Variants in SLA observed in about 807,000 individuals in gnomAD.
SLA encodes the protein src-like-adapter.
A neutral mutation model predicts 30.3 loss-of-function variants in SLA; 16 were observed. That is an observed-to-expected ratio of 0.53 (90% confidence interval 0.36 to 0.80). SLA has a LOEUF of 0.80. SLA is among the 30% of genes least tolerant of loss of function. The pLI is 0.01. For synonymous variants in SLA, 143 were observed against 137.8 expected, an observed-to-expected ratio of 1.04 and a Z score of -0.26; for missense variants, 310 against 345.2, an observed-to-expected ratio of 0.90 and a Z score of 0.81.
At chr8:133,077,829 G>C (rs981105636) in intron 1 of SLA, among the ~76,000 whole-genome samples, 7 of 151,876 alleles carry the variant, frequency 4.6e-5, no homozygotes, top group African/African-American at 1.7e-4. Flanking sequence ...ATGTGCCACA[G>C]CATCTCTGGA....
chr8:133,092,563 G>T (rs977843857), intron 1 of SLA, among the ~76,000 whole-genome samples: 1 of 152,150 alleles, frequency 6.6e-6, no homozygotes, highest in Non-Finnish European at 1.5e-5. Flanking sequence ...CAGAGGACAC[G>T]CTTCTTCACC....
chr8:133,046,822 A>T (rs1839504828), intron 6 of SLA, among the ~76,000 whole-genome samples: 2 of 152,104 alleles, frequency 1.3e-5, no homozygotes, highest in South Asian at 4.1e-4. Context: ...AATCATATAT[A>T]TGTGGTCCCT....
chr8:133,074,373 G>A (rs1588001291), intron 2 of SLA, among the ~76,000 whole-genome samples: 1 of 152,252 alleles, frequency 6.6e-6, no homozygotes, highest in South Asian at 2.1e-4. Context: ...CGTTTACTGA[G>A]CACCTGCTGT....
intron 1 of SLA, among the ~76,000 whole-genome samples, chr8:133,091,171 T>A (rs1001048241): frequency 4.6e-5 from 7 of 152,246 alleles, no homozygotes; most frequent in African/African-American, 1.7e-4. Flanking sequence ...TCGTCTTCAT[T>A]GTTGTGTCTG....
chr8:133,096,302 T>A (rs2069569), intron 1 of SLA: 2 of 1,613,964 alleles, frequency 1.2e-6, no homozygotes, highest in South Asian at 2.2e-5. Context: ...GAGGTCTTTA[T>A]GGGTAGAGGT....
At position 133,038,245 on chromosome 8, in the gene SLA, A is replaced by T; in HGVS notation, c.*279T>A. ...GTGGCTTTGTCCTTCCCACACACAC[A>T]ATGTGTGCATACATACATGCTGGGC... On this transcript the variant is annotated 3_prime_UTR_variant, in exon 9 of 9. Transcript: ENST00000338087. 2.2e-6 allele frequency: 1 copy of T among 460,654 alleles called. No homozygotes were observed. The highest frequency in any genetic ancestry group is 4.3e-5 in the East Asian group (1 of 23,258). 28.5% of individuals were successfully genotyped at this position (460,654 alleles called of 1,614,324 possible). A position where few individuals can be genotyped will look rare whatever the true frequency, so the allele number is the denominator to read the frequency against.
chr8:133,061,999 C>A (rs1443186809), intron 2 of SLA, among the ~76,000 whole-genome samples: 1 of 152,194 alleles, frequency 6.6e-6, no homozygotes, highest in East Asian at 1.9e-4. Context: ...ACTGCTCAAG[C>A]TAATGCATAG....
chr8:133,093,178 A>T (rs936303151), intron 1 of SLA, among the ~76,000 whole-genome samples: 5 of 144,702 alleles, frequency 3.5e-5, no homozygotes, highest in Admixed American at 2.0e-4. Flanking sequence ...AATGGTTCTT[A>T]AAAAAAGCTG....
chr8:133,080,156 G>C (rs1159483949), intron 1 of SLA, among the ~76,000 whole-genome samples: 2 of 152,132 alleles, frequency 1.3e-5, no homozygotes, highest in Non-Finnish European at 2.9e-5. Flanking sequence ...TGAAAATCAA[G>C]AGGAAAAAAC....
intron 7 of SLA, among the ~76,000 whole-genome samples, chr8:133,041,417 T>C (rs1838216311): frequency 6.6e-6 from 1 of 152,220 alleles, no homozygotes; most frequent in Non-Finnish European, 1.5e-5. Flanking sequence ...AACTGTGAAC[T>C]CAAATGTCCA....
At chr8:133,059,968 G>A (rs1158533290) in intron 3 of SLA, 132 bp downstream of exon 3, 1 of 891,626 alleles carries the variant, frequency 1.1e-6, no homozygotes, top group East Asian at 2.9e-5. Context: ...CAAAACTAGA[G>A]AGACAGATAT....
At chr8:133,047,072 C>G (rs1175431938) in intron 6 of SLA, 1 of 152,180 alleles carries the variant, frequency 6.6e-6, no homozygotes, top group Non-Finnish European at 1.5e-5. Flanking sequence ...ACATGGTACT[C>G]TCCTACTGTA....
At chr8:133,079,265 G>A (rs889652197) in intron 1 of SLA, among the ~76,000 whole-genome samples, 2 of 152,192 alleles carry the variant, frequency 1.3e-5, no homozygotes, top group Non-Finnish European at 2.9e-5. Context: ...CTGATTTCCA[G>A]AGGGCTTTGC....
chr8:133,094,448 G>A (rs1848111106), intron 1 of SLA, among the ~76,000 whole-genome samples: 1 of 151,892 alleles, frequency 6.6e-6, no homozygotes, highest in South Asian at 2.1e-4. Context: ...CACTGTGTTA[G>A]CCAGGATGGT....
chr8:133,058,635 G>A (rs1056969007), intron 3 of SLA, among the ~76,000 whole-genome samples: 1 of 152,198 alleles, frequency 6.6e-6, no homozygotes, highest in Non-Finnish European at 1.5e-5. Context: ...GGAGGAGGCT[G>A]TGGCCAAAGC....
At chr8:133,094,044 G>C (rs1282625287) in intron 1 of SLA, among the ~76,000 whole-genome samples, 1 of 152,086 alleles carries the variant, frequency 6.6e-6, no homozygotes, top group Non-Finnish European at 1.5e-5. Context: ...TGACTCTTCA[G>C]TGGGCAGCCA....
At chr8:133,076,229 A>G (rs150341672) in intron 1 of SLA, 1 of 152,274 alleles carries the variant, frequency 6.6e-6, no homozygotes. Flanking sequence ...TGATCTGTCC[A>G]CAGTCACACA....
At chr8:133,097,104 G>A (rs1848536823) in intron 1 of SLA, among the ~76,000 whole-genome samples, 1 of 152,228 alleles carries the variant, frequency 6.6e-6, no homozygotes, top group Non-Finnish European at 1.5e-5. Flanking sequence ...AGCACAAAGA[G>A]AGGACAACTC....
chr8:133,101,069 T>G (rs754366116), intron 1 of SLA, among the ~76,000 whole-genome samples: 46 of 152,084 alleles, frequency 3.0e-4, no homozygotes, highest in Non-Finnish European at 5.7e-4. Flanking sequence ...TGACCCCAAT[T>G]GCAGGGCAGG....
Sources: gnomAD v4.1 joint callset for allele counts (sites outside exome capture counted in the v4.1 genomes callset) on GRCh38, gnomAD v4.1.1 for gene constraint, MANE v1.5 for transcripts, NCBI Gene and HGNC (gene_info 2026-07-23, HGNC 2026-07-21) for gene names.